The following SLC12A8 variants were observed in gnomAD, a reference collection of about 807,000 sequenced individuals.
SLC12A8 encodes the protein solute carrier family 12 member 8, also known as cation-chloride cotransporter 9.
Under a neutral mutation model 75.6 loss-of-function variants are expected in SLC12A8, and 69 were observed. The ratio of observed to expected loss-of-function variants is 0.91; its 90% confidence interval spans 0.75 to 1.11. The LOEUF (loss-of-function observed/expected upper bound fraction) is 1.11. Ranked by LOEUF, SLC12A8 falls within the 50% of genes most tolerant of loss-of-function variation. The pLI is 0.00. For missense variants in SLC12A8, 877 were observed against 896.7 expected (o/e 0.98, Z 0.28); for synonymous variants, 365 against 372.8 (o/e 0.98, Z 0.24).
At chr3:125,191,583 A>G (rs769829822) in intron 2 of SLC12A8, among the ~76,000 whole-genome samples, 9 of 152,192 alleles carry the variant, frequency 5.9e-5, no homozygotes, top group Non-Finnish European at 1.0e-4. Context: ...AACACAATAA[A>G]AAGGCAGAAA....
At chr3:125,180,793 A>G (rs1260062807) in intron 4 of SLC12A8, among the ~76,000 whole-genome samples, 1 of 152,232 alleles carries the variant, frequency 6.6e-6, no homozygotes, top group African/African-American at 2.4e-5. Context: ...TGCTAAATAG[A>G]TGATGGTACC....
intron 4 of SLC12A8, among the ~76,000 whole-genome samples, chr3:125,178,712 C>T (rs1934590717): frequency 1.3e-5 from 2 of 152,156 alleles, no homozygotes; most frequent in African/African-American, 4.8e-5. Context: ...ACCCAGCAAT[C>T]TTATCCTAAC....
chr3:125,082,915 T>C lies in SLC12A8; in HGVS notation c.*975A>G, dbSNP rs1269622976. On this transcript the variant is annotated 3_prime_UTR_variant, in exon 14 of 14. Transcript: ENST00000469902. ...TGAACAAATGGCATATGAATTGATA[T>C]GAAATGTCTCCAAGATAGATTGTTA... The C allele has an allele frequency of 6.6e-6, 1 of 152,240 alleles. No individual in the cohort carries two copies. The highest frequency in any genetic ancestry group is 2.4e-5 in the African/African-American group (1 of 41,468). 9.4% of individuals were successfully genotyped at this position (152,240 alleles called of 1,614,324 possible).
intron 10 of SLC12A8, among the ~76,000 whole-genome samples, chr3:125,095,039 G>C (rs570375128): frequency 6.6e-6 from 1 of 151,966 alleles, no homozygotes; most frequent in African/African-American, 2.4e-5. Context: ...TGAAAATATT[G>C]GAGTATTCCA....
intron 4 of SLC12A8, among the ~76,000 whole-genome samples, chr3:125,185,476 C>A (rs545310004): frequency 6.6e-6 from 1 of 150,858 alleles, no homozygotes; most frequent in South Asian, 2.1e-4. Context: ...CATTAGTAAC[C>A]AAAAAACTTT....
chr3:125,092,494 T>C (rs141388739), intron 10 of SLC12A8, among the ~76,000 whole-genome samples: 1 of 152,296 alleles, frequency 6.6e-6, no homozygotes, highest in Non-Finnish European at 1.5e-5. Flanking sequence ...CCCCTCTTTT[T>C]CAGATGTAAG....
At position 125,083,630 on chromosome 3, in the gene SLC12A8, G is replaced by C. The variant is rs749077473; in HGVS notation, c.*260C>G. 2.6e-4 allele frequency: 92 copies of C among 349,960 alleles called. No homozygotes were observed. Among genetic ancestry groups the C allele is most frequent in the South Asian group, 4.7e-4 (13 of 27,690 alleles). 21.7% of individuals were successfully genotyped at this position (349,960 alleles called of 1,614,324 possible). A position where few individuals can be genotyped will look rare whatever the true frequency, so the allele number is the denominator to read the frequency against. ...CCAGCTACTCAGGAGGCTGAGGCAG[G>C]AGAATTGCTTGAACTCGGGAAGCAG... On this transcript the variant is annotated 3_prime_UTR_variant, in exon 14 of 14. Coordinates refer to ENST00000469902, the MANE Select transcript of SLC12A8 (RefSeq NM_024628.6).
At chr3:125,210,868 A>C (rs926205683) in intron 2 of SLC12A8, among the ~76,000 whole-genome samples, 1 of 152,258 alleles carries the variant, frequency 6.6e-6, no homozygotes, top group African/African-American at 2.4e-5. Context: ...AAGATAAAGA[A>C]AAAAGAAGAA....
intron 5 of SLC12A8, among the ~76,000 whole-genome samples, chr3:125,141,971 CG>C (rs1329762205): frequency 6.6e-6 from 1 of 152,088 alleles, no homozygotes; most frequent in Non-Finnish European, 1.5e-5. Context: ...CGAAGGGCGT[CG>C]GGGGAAGTGG....
chr3:125,100,779 C>T (rs1405422844), intron 10 of SLC12A8, among the ~76,000 whole-genome samples: 5 of 147,628 alleles, frequency 3.4e-5, no homozygotes, highest in Non-Finnish European at 4.5e-5. Flanking sequence ...TTTGGGAGGC[C>T]GAGGTGGGTG....
At chr3:125,126,294 C>T (rs1300307740) in intron 6 of SLC12A8, among the ~76,000 whole-genome samples, 2 of 152,244 alleles carry the variant, frequency 1.3e-5, no homozygotes, top group Non-Finnish European at 2.9e-5. Flanking sequence ...ATTGACATCA[C>T]ACCTACAGTT....
At chr3:125,085,947 C>T (rs1338341611) in intron 13 of SLC12A8, among the ~76,000 whole-genome samples, 1 of 150,854 alleles carries the variant, frequency 6.6e-6, no homozygotes, top group African/African-American at 2.4e-5. Context: ...CTCTATTGCT[C>T]AGACTGGAGC....
chr3:125,199,024 C>T (rs1405087181), intron 2 of SLC12A8, among the ~76,000 whole-genome samples: 3 of 152,190 alleles, frequency 2.0e-5, no homozygotes, highest in East Asian at 3.9e-4. Context: ...GTGATCCACC[C>T]TCCTTGGCCT....
In SLC12A8 at chr3:125,184,004, G is replaced by A. The variant is rs545016091; in HGVS notation, c.390+3233C>T. 5.9e-5 allele frequency among the ~76,000 whole-genome samples: 9 copies of A among 151,688 alleles called. No homozygotes were observed. In the South Asian group the frequency reaches 1.7e-3, roughly 28 times the overall value. ...TATTATTATTTTGAAATGGAGTATC[G>A]CTCTGTCACCCAGGCTGGAGTGCAG... On this transcript the variant is annotated intron_variant, in intron 4 of 13. Transcript: ENST00000469902.
chr3:125,211,287 T>TC lies in SLC12A8; in HGVS notation c.51+11dup. 1 of 1,612,580 alleles carries TC rather than the reference T, an allele frequency of 6.2e-7. No individual in the cohort carries two copies. Among genetic ancestry groups the TC allele is most frequent in the Non-Finnish European group, 8.5e-7 (1 of 1,179,140 alleles). On this transcript the variant is annotated intron_variant, in intron 2 of 13. Coordinates refer to ENST00000469902, the MANE Select transcript of SLC12A8 (RefSeq NM_024628.6). The stretch of plus-strand genomic sequence containing the variant: ...GGCCTCCATCACAGACCCTGGCACA[T>TC]CCTGAGCCTACCTGCTGGGCTGCCT...
At chr3:125,168,391 A>T (rs995613075) in intron 5 of SLC12A8, among the ~76,000 whole-genome samples, 7 of 152,200 alleles carry the variant, frequency 4.6e-5, no homozygotes, top group African/African-American at 1.7e-4. Flanking sequence ...CTTTAATTCA[A>T]GATGGTGCCC....
At chr3:125,183,922 GA>G (rs1934718993) in intron 4 of SLC12A8, among the ~76,000 whole-genome samples, 2 of 152,016 alleles carry the variant, frequency 1.3e-5, no homozygotes, top group South Asian at 4.2e-4. Flanking sequence ...GGTTTTGTAG[GA>G]TGCAGGGCAA....
chr3:125,167,152 CTT>C (rs770965201), intron 5 of SLC12A8, among the ~76,000 whole-genome samples: 7 of 145,290 alleles, frequency 4.8e-5, no homozygotes, highest in African/African-American at 7.5e-5. Context: ...ATTTTTAAAA[CTT>C]TTTTTTTTTT....
At chr3:125,178,021 G>A in intron 4 of SLC12A8, 47 bp from the exon 5 acceptor site, 1 of 1,497,000 alleles carries the variant, frequency 6.7e-7, no homozygotes, top group Middle Eastern at 1.7e-4. Context: ...AGAAAGCCAT[G>A]GGCCCATGGG....
Sources: allele counts gnomAD v4.1 joint callset (sites outside exome capture counted in the v4.1 genomes callset), GRCh38; gene constraint gnomAD v4.1.1; transcripts MANE v1.5; gene names NCBI Gene and HGNC (gene_info 2026-07-23, HGNC 2026-07-21).